The following ADGRL1 variants were observed in gnomAD, a reference collection of about 807,000 sequenced individuals.
The protein encoded by ADGRL1 is adhesion G protein-coupled receptor L1.
In ADGRL1, 31 loss-of-function variants were observed where a neutral mutation model predicts 148.9. That is an observed-to-expected ratio of 0.21 (90% confidence interval 0.16 to 0.28). The LOEUF is 0.28. Among genes scored for constraint, ADGRL1 ranks in the 10% least tolerant of loss-of-function variants. ADGRL1 has a pLI of 1.00. For synonymous variants in ADGRL1, 937 were observed against 900.3 expected (o/e 1.04, Z -0.73); for missense variants, 1,521 against 2,058.8 (o/e 0.74, Z 5.05).
At position 14,151,066 on chromosome 19, in the gene ADGRL1, G is replaced by A; in HGVS notation, c.4217C>T (p.Pro1406Leu). Residue 1406 changes from proline to leucine, a missense_variant, in exon 23 of 23, where the codon CCA becomes CTA. Around this residue, in one of 8 missense-constraint regions of ADGRL1, gnomAD observed 390 missense variants for 375.0 expected, o/e 1.04. Coordinates refer to ENST00000361434, the MANE Select transcript of ADGRL1 (RefSeq NM_014921.5). ...GGGGCCGGGGGGTGCGGGAGGGGGT[G>A]GGGGCAGGGCCTCACTGGGCCCCTC... ...SPEGPSEALP[P>L]PPPAPPGPPE... The A allele has an allele frequency of 6.7e-7, 1 of 1,492,540 alleles. No individual in the cohort carries two copies. Among genetic ancestry groups the A allele is most frequent in the Non-Finnish European group, 8.9e-7 (1 of 1,117,994 alleles). 92.5% of individuals were successfully genotyped at this position (1,492,540 alleles called of 1,614,324 possible). A position where few individuals can be genotyped will look rare whatever the true frequency, so the allele number is the denominator to read the frequency against.
rs376183061 is a variant in ADGRL1 at position 14,151,416 on chromosome 19, C to G, written c.3867G>C (p.Arg1289=). The G allele has an allele frequency of 7.9e-5, 127 of 1,612,342 alleles. No individual in the cohort carries two copies. In the African/African-American group the frequency reaches 1.1e-3, roughly 14 times the overall value. The change falls in exon 23 of 23, where the codon CGG becomes CGC. Residue 1289 remains arginine (R), a synonymous_variant. Coordinates refer to ENST00000361434, the MANE Select transcript of ADGRL1 (RefSeq NM_014921.5). The part of the protein sequence containing the change: ...IISELVHNNL[R]GSSSAAKGPP... ...GGCCCTTGGCCGCGCTGCTGCTCCC[C>G]CGCAGGTTGTTGTGCACCAGCTCTG...
At position 14,162,455 on chromosome 19, in the gene ADGRL1, A is replaced by T. The variant is rs1969491788; in HGVS notation, c.1195+151T>A. 1.5e-6 allele frequency: 1 copy of T among 657,950 alleles called. No individual in the cohort carries two copies. Among genetic ancestry groups the T allele is most frequent in the Non-Finnish European group, 2.6e-6 (1 of 382,786 alleles). 40.8% of individuals were successfully genotyped at this position (657,950 alleles called of 1,614,324 possible). A position where few individuals can be genotyped will look rare whatever the true frequency, so the allele number is the denominator to read the frequency against. On this transcript the variant is annotated intron_variant, in intron 5 of 22. Coordinates refer to ENST00000361434, the MANE Select transcript of ADGRL1 (RefSeq NM_014921.5). The surrounding 1 kb of genome is among the most constrained non-coding windows in gnomAD (Gnocchi z 5.4). ...GAGTTAATGACTGTGAAGTGCTTAG[A>T]ACAGCGTCTGTCACATGCTGTGAAT...
In ADGRL1 at chr19:14,152,925, G is replaced by A; in HGVS notation, c.3295-13C>T. 5 of 1,613,156 alleles carry A rather than the reference G, an allele frequency of 3.1e-6. No homozygotes were observed. The highest frequency in any genetic ancestry group is 2.5e-6 in the Non-Finnish European group (3 of 1,179,670). ...ACTCCTTGTGCACCTGGGAGGTGGA[G>A]GACAGTCAGCTGGCTGGGACACTGG... On this transcript the variant is annotated splice_polypyrimidine_tract_variant and intron_variant, in intron 18 of 22. Coordinates refer to ENST00000361434, the MANE Select transcript of ADGRL1 (RefSeq NM_014921.5). The surrounding 1 kb of genome is among the most constrained non-coding windows in gnomAD (Gnocchi z 6.1).
chr19:14,152,506 T>C lies in ADGRL1; in HGVS notation c.3520+11A>G, dbSNP rs763835506. 2.5e-6 allele frequency: 4 copies of C among 1,613,546 alleles called. No homozygotes were observed. The highest frequency in any genetic ancestry group is 3.4e-6 in the Non-Finnish European group (4 of 1,179,518). ...GAGACTGAAGCCAGAGGCAGAAGGA[T>C]GCCTTCTCACCTCGGTTCAGGGTGG... On this transcript the variant is annotated intron_variant, in intron 20 of 22. Transcript: ENST00000361434. The surrounding 1 kb of genome is among the most constrained non-coding windows in gnomAD (Gnocchi z 6.1).
rs201212910 is a variant in ADGRL1, at chr19:14,175,352, CAGTT to C, written c.284+2175_284+2178del. Among the ~76,000 whole-genome samples, 1,371 of 150,532 alleles carry C rather than the reference CAGTT, an allele frequency of 9.1e-3. 25 individuals are homozygous for C. The highest frequency in any genetic ancestry group is 0.032 in the African/African-American group (1,309 of 41,106). ...ACATACACACATCTGCCCACAGACA[CAGTT>C]AAATACACAAAGACACAGCCACACC... On this transcript the variant is annotated intron_variant, in intron 3 of 22. Coordinates refer to ENST00000361434, the MANE Select transcript of ADGRL1 (RefSeq NM_014921.5).
chr19:14,159,292 ACT>A lies in ADGRL1; in HGVS notation c.2024-79_2024-78del. ...CCAGGGGCTCAGGCTGCAGAACGAG[ACT>A]CTGGCAAGATGCCCAAGGGTCGGAT... On this transcript the variant is annotated intron_variant, in intron 10 of 22. Transcript: ENST00000361434. The surrounding 1 kb of genome is among the most constrained non-coding windows in gnomAD (Gnocchi z 6.0). The A allele has an allele frequency of 6.3e-7, 1 of 1,582,814 alleles. No homozygotes were observed. The highest frequency in any genetic ancestry group is 8.6e-7 in the Non-Finnish European group (1 of 1,160,410).
Position 14,152,488 on chromosome 19 carries a change from A to C in ADGRL1, c.3520+29T>G. 1 of 1,612,220 alleles carries C rather than the reference A, an allele frequency of 6.2e-7. No individual in the cohort carries two copies. Among genetic ancestry groups the C allele is most frequent in the Non-Finnish European group, 8.5e-7 (1 of 1,178,474 alleles). On this transcript the variant is annotated intron_variant, in intron 20 of 22. Coordinates refer to ENST00000361434, the MANE Select transcript of ADGRL1 (RefSeq NM_014921.5). The surrounding 1 kb of genome is among the most constrained non-coding windows in gnomAD (Gnocchi z 6.1). ...GGCAGCCGGGAGCCTCCAGAGACTG[A>C]AGCCAGAGGCAGAAGGATGCCTTCT...
chr19:14,156,086 G>A lies in ADGRL1; in HGVS notation c.3125+24C>T, dbSNP rs777811385. 7 of 1,588,176 alleles carry A rather than the reference G, an allele frequency of 4.4e-6. No homozygotes were observed. In the East Asian group the frequency reaches 6.8e-5, roughly 15 times the overall value. ...GGGGCGGGGGTGGGTGATGGGGCAG[G>A]GGGCAGGCAGGGGCGAGGCTCACTT... On this transcript the variant is annotated intron_variant, in intron 17 of 22. Transcript: ENST00000361434.
At chr19:14,166,180 G>A (rs973565336) in intron 4 of ADGRL1, among the ~76,000 whole-genome samples, 3 of 151,978 alleles carry the variant, frequency 2.0e-5, no homozygotes, top group African/African-American at 7.3e-5. Context: ...AAGTGTGAAA[G>A]AAACAGAGAA....
In ADGRL1 at chr19:14,163,058, T is replaced by G. The variant is rs1245666182; in HGVS notation, c.743A>C (p.Asn248Thr). ...KSGETVINTA[N>T]YHDTSPYRWG... is the part of the protein sequence containing the mutation. ...GCGGTAGGGCGAGGTGTCATGGTAG[T>G]TGGCGGTATTGATGACCGTCTCCCC... Residue 248 changes from asparagine (N) to threonine (T), a missense_variant, in exon 5 of 23, where the codon AAC (asparagine) becomes ACC (threonine). Transcript: ENST00000361434. 6.2e-7 allele frequency: 1 copy of G among 1,614,020 alleles called. No homozygotes were observed. Among genetic ancestry groups the G allele is most frequent in the Non-Finnish European group, 8.5e-7 (1 of 1,180,038 alleles).
chr19:14,192,840 C>T (rs1294105085), intron 1 of ADGRL1, among the ~76,000 whole-genome samples: 1 of 152,146 alleles, frequency 6.6e-6, no homozygotes, highest in Non-Finnish European at 1.5e-5. Flanking sequence ...CGTGAGCCAC[C>T]GTGCCCAGCC....
chr19:14,154,209 T>C (rs1197775948), intron 18 of ADGRL1, among the ~76,000 whole-genome samples: 1 of 152,040 alleles, frequency 6.6e-6, no homozygotes, highest in Non-Finnish European at 1.5e-5. Flanking sequence ...GCCAGGACAA[T>C]GTTGGACAGA....
intron 1 of ADGRL1, among the ~76,000 whole-genome samples, chr19:14,190,194 C>T (rs1440078536): frequency 5.9e-5 from 9 of 151,318 alleles, no homozygotes; most frequent in African/African-American, 2.2e-4. Context: ...CAAAGTGCTG[C>T]GATTATAGGT....
At chr19:14,195,046 G>A (rs866156369) in intron 1 of ADGRL1, among the ~76,000 whole-genome samples, 3 of 151,692 alleles carry the variant, frequency 2.0e-5, no homozygotes, top group African/African-American at 7.3e-5. Context: ...AACCATGCCC[G>A]GCTAATTTTT....
At position 14,151,057 on chromosome 19, in the gene ADGRL1, G is replaced by A; in HGVS notation, c.4226C>T (p.Pro1409Leu). 6.7e-7 allele frequency: 1 copy of A among 1,492,756 alleles called. No individual in the cohort carries two copies. 92.5% of individuals were successfully genotyped at this position (1,492,756 alleles called of 1,614,324 possible). A position where few individuals can be genotyped will look rare whatever the true frequency, so the allele number is the denominator to read the frequency against. Reference protein sequence around the residue: ...GPSEALPPPPPAPPGPPEIYY... With the variant: ...GPSEALPPPPLAPPGPPEIYY... ...GATTTCGGGGGGGCCGGGGGGTGCGGGAGGGGGTGGGGGCAGGGCCTCACT... is the reference window on the plus strand; with the variant it reads ...GATTTCGGGGGGGCCGGGGGGTGCGAGAGGGGGTGGGGGCAGGGCCTCACT... The change falls in exon 23 of 23, where the codon CCC (proline) becomes CTC (leucine). Residue 1409 changes from proline (P) to leucine (L), a missense_variant. Physicochemically the swap from Pro to Leu is moderately conservative, Grantham distance 98. This residue lies in a region of ADGRL1 where 390 missense variants were observed against 375.0 expected (regional missense o/e 1.04). Coordinates refer to ENST00000361434, the MANE Select transcript of ADGRL1 (RefSeq NM_014921.5).
chr19:14,155,512 C>T lies in ADGRL1; in HGVS notation c.3141G>A (p.Gly1047=). 6.2e-7 allele frequency: 1 copy of T among 1,613,598 alleles called. No individual in the cohort carries two copies. Among genetic ancestry groups the T allele is most frequent in the African/African-American group, 1.3e-5 (1 of 75,050 alleles). ...CCAGCAGGAACAGCAGCGCGATGGC[C>T]CCCAGCGCCCAGGATCTGGGAGTGG... is the stretch of plus-strand genomic sequence containing the variant. The part of the protein sequence containing the change: ...RLDNIKSWAL[G]AIALLFLLGL... The change falls in exon 18 of 23, where the codon GGG becomes GGA. Residue 1047 remains glycine, a synonymous_variant. Transcript: ENST00000361434. This position sits in a 1 kb window ranked among gnomAD's most constrained non-coding sequence, Gnocchi z 5.0.
Position 14,161,751 on chromosome 19 carries a change from C to T in ADGRL1, c.1196-125G>A, listed in dbSNP as rs545649944. On this transcript the variant is annotated intron_variant, in intron 5 of 22. Coordinates refer to ENST00000361434, the MANE Select transcript of ADGRL1 (RefSeq NM_014921.5). This position sits in a 1 kb window ranked among gnomAD's most constrained non-coding sequence, Gnocchi z 4.4. ...TACTGAAGTGGAAACACGTGCCGGG[C>T]CCCACTGGGTCTATGAGTTGATCTC... The T allele has an allele frequency of 2.2e-4, 142 of 656,896 alleles. No individual in the cohort carries two copies. Among genetic ancestry groups the T allele is most frequent in the Middle Eastern group, 1.8e-3 (4 of 2,248 alleles). 40.7% of individuals were successfully genotyped at this position (656,896 alleles called of 1,614,324 possible).
intron 1 of ADGRL1, among the ~76,000 whole-genome samples, chr19:14,205,247 T>TGGGGTG (rs1004391864): frequency 6.6e-6 from 1 of 151,848 alleles, no homozygotes; most frequent in African/African-American, 2.4e-5. Flanking sequence ...AATGCGCACC[T>TGGGGTG]GGGGTGGGGG....
At chr19:14,186,621 C>T (rs1971587869) in intron 1 of ADGRL1, among the ~76,000 whole-genome samples, 1 of 152,168 alleles carries the variant, frequency 6.6e-6, no homozygotes, top group South Asian at 2.1e-4. Context: ...CCTTGCCCGC[C>T]TCCCAATCCG....
Sources: gnomAD v4.1 joint callset for allele counts (sites outside exome capture counted in the v4.1 genomes callset) on GRCh38, gnomAD v4.1.1 for gene constraint, gnomAD v4.1.1 regional missense constraint, Gnocchi (gnomAD v3.1) non-coding constraint, MANE v1.5 for transcripts, NCBI Gene and HGNC (gene_info 2026-07-23, HGNC 2026-07-21) for gene names.